PADI4: variants seen among roughly 807,000 people sequenced by gnomAD.
The protein encoded by PADI4 is peptidyl arginine deiminase 4, also known as protein-arginine deiminase type-4.
A neutral mutation model predicts 75.0 loss-of-function variants in PADI4; 62 were observed. The observed-to-expected ratio is 0.83, with a 90% CI of 0.67 to 1.02. The LOEUF (loss-of-function observed/expected upper bound fraction) is 1.02. Among genes scored for constraint, PADI4 ranks in the 50% least tolerant of loss-of-function variants. The pLI, the probability that PADI4 is intolerant of heterozygous loss-of-function variation, is 0.00. For synonymous variants in PADI4, 361 were observed against 348.1 expected (o/e 1.04, Z -0.41); for missense variants, 845 against 850.5 (o/e 0.99, Z 0.08).
At chr1:17,359,253 A>T (rs753699380) in intron 14 of PADI4, 27 bp from the exon 15 acceptor site, 1 of 249,998 alleles carries the variant, frequency 4.0e-6, no homozygotes, top group Non-Finnish European at 6.3e-6. Context: ...TCAGTCCCCC[A>T]CTCACTGCCC....
intron 8 of PADI4, among the ~76,000 whole-genome samples, chr1:17,344,184 T>C (rs1258593118): frequency 2.6e-5 from 4 of 152,202 alleles, no homozygotes; most frequent in Admixed American, 1.3e-4. Flanking sequence ...AAGAGACTGG[T>C]GGCATTTTGT....
intron 10 of PADI4, among the ~76,000 whole-genome samples, chr1:17,352,919 A>G (rs1012993761): frequency 3.3e-5 from 5 of 152,198 alleles, no homozygotes; most frequent in African/African-American, 9.7e-5. Context: ...CTGAAGGGGC[A>G]AGTGAGGTTG....
chr1:17,311,519 C>T (rs2073827298), intron 1 of PADI4, among the ~76,000 whole-genome samples: 1 of 133,478 alleles, frequency 7.5e-6, no homozygotes, highest in South Asian at 2.5e-4. Flanking sequence ...CCAAAGTCTC[C>T]TTCTTCTTTT....
At chr1:17,327,634 C>T (rs547770510) in intron 1 of PADI4, among the ~76,000 whole-genome samples, 41 of 151,736 alleles carry the variant, frequency 2.7e-4, no homozygotes, top group African/African-American at 9.2e-4. Flanking sequence ...CTCTGCCTCT[C>T]GGGTTCAAGC....
chr1:17,342,307 C>A lies in PADI4; in HGVS notation c.840C>A (p.Pro280=). The A allele has an allele frequency of 6.2e-7, 1 of 1,612,146 alleles. No individual in the cohort carries two copies. The highest frequency in any genetic ancestry group is 8.5e-7 in the Non-Finnish European group (1 of 1,178,322). ...TACCCCCTCCCCTGCAGGAGCTCCC[C>A]GAGGCTGTGGTGTTCCAAGACAGCG... ...SLLDTSNLEL[P]EAVVFQDSVV... The change falls in exon 8 of 16, where the codon CCC becomes CCA. Residue 280 remains proline (P), a synonymous_variant. Coordinates refer to ENST00000375448, the MANE Select transcript of PADI4 (RefSeq NM_012387.3).
chr1:17,326,667 C>T (rs2074121464), intron 1 of PADI4, among the ~76,000 whole-genome samples: 1 of 152,062 alleles, frequency 6.6e-6, no homozygotes, highest in Non-Finnish European at 1.5e-5. Flanking sequence ...GACCCATGAC[C>T]CGTGTGTGCT....
At chr1:17,310,098 G>A (rs191507656) in intron 1 of PADI4, among the ~76,000 whole-genome samples, 1 of 152,182 alleles carries the variant, frequency 6.6e-6, no homozygotes, top group Non-Finnish European at 1.5e-5. Context: ...TCAGCCACAC[G>A]TTGAGCCTGT....
intron 10 of PADI4, among the ~76,000 whole-genome samples, chr1:17,352,054 AGGTGATGGGAGGTGGGAAGAGAG>A (rs1470630102): frequency 8.3e-5 from 10 of 120,686 alleles, no homozygotes; most frequent in Admixed American, 1.7e-4. Flanking sequence ...GCAGTCAGGG[AGGTGATGGGAGGTGGGAAGAGAG>A]GCAGTCAGGG....
At chr1:17,339,537 T>C (rs2074376312) in intron 5 of PADI4, 151 bp from the exon 6 acceptor site, 2 of 740,166 alleles carry the variant, frequency 2.7e-6, no homozygotes, top group Non-Finnish European at 2.2e-6. Flanking sequence ...ATACTCAAAA[T>C]AGCATAAAGA....
At chr1:17,355,367 C>T (rs912052282) in intron 11 of PADI4, among the ~76,000 whole-genome samples, 1 of 152,136 alleles carries the variant, frequency 6.6e-6, no homozygotes, top group African/African-American at 2.4e-5. Context: ...GCCTGACTAA[C>T]ATGGCGAAAC....
intron 13 of PADI4, among the ~76,000 whole-genome samples, chr1:17,357,113 A>G (rs980752115): frequency 3.9e-5 from 6 of 152,186 alleles, no homozygotes; most frequent in African/African-American, 9.7e-5. Context: ...GTTCCAGTGA[A>G]CAAGTTTCAT....
At chr1:17,352,877 G>C (rs988996252) in intron 10 of PADI4, among the ~76,000 whole-genome samples, 2 of 152,206 alleles carry the variant, frequency 1.3e-5, no homozygotes, top group Non-Finnish European at 2.9e-5. Flanking sequence ...TGTCGGCTCG[G>C]GAACGGAATT....
Position 17,338,165 on chromosome 1 carries a change from A to G in PADI4, c.526+10A>G. ...GTGCTTGACAGCGAAGGTAAAGAGC[A>G]TTTGCTAGCTAACGGGAAGGGCTTT... On this transcript the variant is annotated intron_variant, in intron 5 of 15. Transcript: ENST00000375448. The G allele has an allele frequency of 6.4e-7, 1 of 1,559,850 alleles. No individual in the cohort carries two copies.
intron 1 of PADI4, among the ~76,000 whole-genome samples, chr1:17,330,402 C>T (rs2074188977): frequency 6.6e-6 from 1 of 152,142 alleles, no homozygotes; most frequent in Admixed American, 6.5e-5. Flanking sequence ...TTAGGGAGAA[C>T]TGGCTCACAC....
intron 15 of PADI4, 71 bp downstream of exon 15, chr1:17,359,479 C>T (rs916433948): frequency 5.4e-5 from 86 of 1,601,620 alleles, no homozygotes; most frequent in Non-Finnish European, 6.9e-5. Context: ...GCCAGTGGGG[C>T]ACCCGGGCGG....
intron 6 of PADI4, among the ~76,000 whole-genome samples, chr1:17,341,290 G>A (rs1402459471): frequency 6.6e-6 from 1 of 151,992 alleles, no homozygotes; most frequent in South Asian, 2.1e-4. Flanking sequence ...TAGTAGAGAT[G>A]GGCTTTCACC....
chr1:17,308,240 G>T lies in PADI4; in HGVS notation c.18G>T (p.Leu6Phe), dbSNP rs1465113059. 1 of 1,614,092 alleles carries T rather than the reference G, an allele frequency of 6.2e-7. No homozygotes were observed. The highest frequency in any genetic ancestry group is 1.7e-5 in the Admixed American group (1 of 60,024). The change falls in exon 1 of 16, where the codon TTG (leucine) becomes TTT (phenylalanine). Residue 6 changes from leucine (L) to phenylalanine (F), a missense_variant. By Grantham distance (22) the Leu-to-Phe change is conservative. Transcript: ENST00000375448. MAQGT[L>F]IRVTPEQPTH... Reference sequence around the variant, plus strand: ...GCCCGACGATGGCCCAGGGGACATTGATCCGTGTGACCCCAGAGCAGCCCA... The same window carrying T: ...GCCCGACGATGGCCCAGGGGACATTTATCCGTGTGACCCCAGAGCAGCCCA...
At chr1:17,311,628 A>G (rs7525199) in intron 1 of PADI4, among the ~76,000 whole-genome samples, 1 of 151,538 alleles carries the variant, frequency 6.6e-6, no homozygotes, top group African/African-American at 2.4e-5. Flanking sequence ...GGGTTCACGC[A>G]ATTCTCCTGC....
intron 1 of PADI4, among the ~76,000 whole-genome samples, chr1:17,320,363 A>C (rs2074012897): frequency 6.6e-6 from 1 of 152,238 alleles, no homozygotes; most frequent in African/African-American, 2.4e-5. Context: ...TGAATCCATA[A>C]AGTGAAAGCA....
Sources: allele counts gnomAD v4.1 joint callset (sites outside exome capture counted in the v4.1 genomes callset), GRCh38; gene constraint gnomAD v4.1.1; transcripts MANE v1.5; gene names NCBI Gene and HGNC (gene_info 2026-07-23, HGNC 2026-07-21).